The following SYTL3 variants were observed in gnomAD, a reference collection of about 807,000 sequenced individuals.
SYTL3 encodes the protein synaptotagmin-like protein 3.
A neutral mutation model predicts 82.1 loss-of-function variants in SYTL3; 88 were observed. The observed-to-expected ratio is 1.07, with a 90% confidence interval of 0.90 to 1.28. The LOEUF is 1.28. SYTL3 is among the 50% of genes most tolerant of loss of function. The pLI, the probability that SYTL3 is intolerant of heterozygous loss-of-function variation, is 0.00. For synonymous variants in SYTL3, 311 were observed against 289.4 expected (o/e 1.07, Z -0.76); for missense variants, 831 against 757.6 (o/e 1.10, Z -1.14).
At chr6:158,721,517 G>A (rs1209529293) in intron 10 of SYTL3, among the ~76,000 whole-genome samples, 1 of 151,690 alleles carries the variant, frequency 6.6e-6, no homozygotes, top group Non-Finnish European at 1.5e-5. Flanking sequence ...AGCCAGATAT[G>A]GCTGTTATAA....
At chr6:158,671,082 G>A (rs550191304) in intron 5 of SYTL3, among the ~76,000 whole-genome samples, 149 of 152,146 alleles carry the variant, frequency 9.8e-4, no homozygotes, top group African/African-American at 3.4e-3. Context: ...GAGATTACAG[G>A]CGTGAGCCAC....
intron 5 of SYTL3, among the ~76,000 whole-genome samples, chr6:158,671,660 G>A (rs1777392068): frequency 6.6e-6 from 1 of 151,562 alleles, no homozygotes; most frequent in African/African-American, 2.4e-5. Context: ...AGCTACTCTG[G>A]AGGAGGCTGA....
intron 2 of SYTL3, 146 bp downstream of exon 2, chr6:158,651,988 C>G (rs577345113): frequency 6.6e-6 from 1 of 151,666 alleles, no homozygotes; most frequent in African/African-American, 2.4e-5. Context: ...AGTGCAATGG[C>G]ACGATCTCGG....
At chr6:158,705,562 A>G (rs1781970709) in intron 6 of SYTL3, among the ~76,000 whole-genome samples, 1 of 125,208 alleles carries the variant, frequency 8.0e-6, no homozygotes, top group African/African-American at 3.0e-5. Context: ...CACATAGAGC[A>G]GCGGGGGGGG....
chr6:158,695,542 T>C (rs781622143), intron 6 of SYTL3, among the ~76,000 whole-genome samples: 2 of 152,238 alleles, frequency 1.3e-5, no homozygotes, highest in Non-Finnish European at 2.9e-5. Context: ...TGGCAAAATA[T>C]GCACAATATA....
At chr6:158,687,125 T>C (rs567629992) in intron 6 of SYTL3, among the ~76,000 whole-genome samples, 50 of 152,368 alleles carry the variant, frequency 3.3e-4, no homozygotes, top group Non-Finnish European at 4.9e-4. Context: ...ACTGGTTATC[T>C]ATTGCTGTAT....
chr6:158,763,181 G>C, intron 16 of SYTL3, 123 bp from the exon 17 acceptor site: 1 of 870,992 alleles, frequency 1.1e-6, no homozygotes, highest in South Asian at 1.5e-5. Context: ...CTTCACTGGG[G>C]AGGGTGTGGA....
chr6:158,763,174 C>T, intron 16 of SYTL3, 130 bp from the exon 17 acceptor site: 1 of 834,018 alleles, frequency 1.2e-6, no homozygotes, highest in South Asian at 1.6e-5. Context: ...CACCCTGCTT[C>T]ACTGGGGAGG....
At chr6:158,704,130 T>G (rs1366972503) in intron 6 of SYTL3, among the ~76,000 whole-genome samples, 4 of 137,520 alleles carry the variant, frequency 2.9e-5, no homozygotes, top group East Asian at 4.0e-4. Context: ...CCTGGCCGGG[T>G]TTTACATTTT....
intron 10 of SYTL3, among the ~76,000 whole-genome samples, chr6:158,722,725 G>A (rs1784248122): frequency 6.6e-6 from 1 of 150,766 alleles, no homozygotes; most frequent in Admixed American, 6.6e-5. Flanking sequence ...GGGGAACTGA[G>A]GACAGAGGTG....
upstream of SYTL3, among the ~76,000 whole-genome samples, chr6:158,648,766 A>G (rs988098524): frequency 1.3e-5 from 2 of 152,208 alleles, no homozygotes; most frequent in Non-Finnish European, 2.9e-5. Flanking sequence ...TAATAGTAAC[A>G]GAAGAAGACG....
At position 158,694,080 on chromosome 6, in the gene SYTL3, A is replaced by G. The variant is rs1429216616; in HGVS notation, c.394+11091A>G. On this transcript the variant is annotated intron_variant, in intron 6 of 17. Transcript: ENST00000611299. ...GAGGAAAGATAAACACATCACCACT[A>G]AAAGAAGTGTGTGTCTTGGTAGTGT... is the stretch of plus-strand genomic sequence containing the variant. Among the ~76,000 whole-genome samples, 5 of 152,042 alleles carry G rather than the reference A, an allele frequency of 3.3e-5. No homozygotes were observed. In the East Asian group the frequency reaches 9.6e-4, roughly 29 times the overall value.
intron 6 of SYTL3, among the ~76,000 whole-genome samples, chr6:158,689,169 G>A (rs570257306): frequency 6.6e-6 from 1 of 152,292 alleles, no homozygotes; most frequent in South Asian, 2.1e-4. Flanking sequence ...GAATATCCTT[G>A]TAGATATCTT....
intron 13 of SYTL3, 74 bp from the exon 14 acceptor site, chr6:158,757,137 G>C: frequency 6.9e-7 from 1 of 1,451,924 alleles, no homozygotes; most frequent in South Asian, 1.3e-5. Flanking sequence ...CCTGGAAGGT[G>C]GGGTCCAGAG....
intron 6 of SYTL3, among the ~76,000 whole-genome samples, chr6:158,701,173 G>T (rs1025483689): frequency 7.2e-6 from 1 of 139,732 alleles, no homozygotes; most frequent in Non-Finnish European, 1.5e-5. Context: ...GTAGATGAAG[G>T]AGGTGAGCTG....
chr6:158,746,459 A>ATATTAT (rs775751372), intron 12 of SYTL3, among the ~76,000 whole-genome samples: 6 of 142,056 alleles, frequency 4.2e-5, no homozygotes, highest in South Asian at 2.3e-4. Context: ...AATAATAATA[A>ATATTAT]TATTATTATT....
chr6:158,647,887 A>T (rs1461764885), upstream of SYTL3, among the ~76,000 whole-genome samples: 1 of 152,222 alleles, frequency 6.6e-6, no homozygotes, highest in Non-Finnish European at 1.5e-5. Context: ...TCTGGAGTCA[A>T]ATTTCTTGAA....
At chr6:158,691,513 C>A (rs1054749438) in intron 6 of SYTL3, among the ~76,000 whole-genome samples, 1 of 152,126 alleles carries the variant, frequency 6.6e-6, no homozygotes, top group Non-Finnish European at 1.5e-5. Flanking sequence ...ATCTGCTAAG[C>A]GTATAGAAAT....
intron 6 of SYTL3, among the ~76,000 whole-genome samples, chr6:158,693,627 C>A (rs575402365): frequency 1.3e-5 from 2 of 152,238 alleles, no homozygotes; most frequent in African/African-American, 4.8e-5. Flanking sequence ...TCAAATGATC[C>A]ACCTGCCTCA....
Sources: gnomAD v4.1 joint callset for allele counts (sites outside exome capture counted in the v4.1 genomes callset) on GRCh38, gnomAD v4.1.1 for gene constraint, MANE v1.5 for transcripts, NCBI Gene and HGNC (gene_info 2026-07-23, HGNC 2026-07-21) for gene names.